NCALD: variants seen among roughly 807,000 people sequenced by gnomAD.
The protein encoded by NCALD is neurocalcin delta.
NCALD carries 10 observed loss-of-function variants against 18.6 expected under a neutral mutation model. The observed-to-expected ratio is 0.54, with a 90% CI of 0.33 to 0.91. The LOEUF (loss-of-function observed/expected upper bound fraction) is 0.91, where lower values mean the gene tolerates loss of function less well. Ranked by LOEUF, NCALD falls within the 40% of genes least tolerant of loss-of-function variation. NCALD has a pLI of 0.03. For synonymous variants in NCALD, 88 were observed against 87.4 expected, an observed-to-expected ratio of 1.01 and a Z score of -0.04; for missense variants, 184 against 247.6, an observed-to-expected ratio of 0.74 and a Z score of 1.72.
chr8:101,929,909 G>A (rs906529561), intron 2 of NCALD, among the ~76,000 whole-genome samples: 1 of 151,902 alleles, frequency 6.6e-6, no homozygotes, highest in South Asian at 2.1e-4. Context: ...CAACCACATC[G>A]CCCAGTGTGG....
intron 1 of NCALD, among the ~76,000 whole-genome samples, chr8:101,766,064 C>T (rs190557066): frequency 1.3e-5 from 2 of 152,274 alleles, no homozygotes; most frequent in Admixed American, 1.3e-4. Context: ...TTGCCCGCAA[C>T]CCACCAACAT....
chr8:101,829,971 T>TG (rs958478888), intron 4 of NCALD, among the ~76,000 whole-genome samples: 7 of 125,244 alleles, frequency 5.6e-5, no homozygotes, highest in Non-Finnish European at 1.0e-4. Context: ...CCCAGTCACA[T>TG]GGGTTTTTTT....
chr8:101,952,126 G>A (rs968827558), intron 2 of NCALD, among the ~76,000 whole-genome samples: 7 of 152,290 alleles, frequency 4.6e-5, no homozygotes, highest in Admixed American at 3.9e-4. Context: ...AGTGGGAACC[G>A]ACTGCTGAGT....
rs1257745272 is a variant in NCALD, at chr8:102,124,163, G to C, written c.-210+74C>G. ...CGGGTCCCCCCCAGCAGCCGCCCCC[G>C]GCACACCCGCCCCGGCTGCAACTCC... On this transcript the variant is annotated intron_variant, in intron 1 of 6. Transcript: ENST00000311028. The C allele has an allele frequency of 2.6e-5, 4 of 151,428 alleles. No homozygotes were observed. In the East Asian group the frequency reaches 5.9e-4, roughly 22 times the overall value. 9.4% of individuals were successfully genotyped at this position (151,428 alleles called of 1,614,324 possible). A position where few individuals can be genotyped will look rare whatever the true frequency, so the allele number is the denominator to read the frequency against.
At chr8:101,815,258 A>T (rs1813449503) in intron 4 of NCALD, among the ~76,000 whole-genome samples, 2 of 152,132 alleles carry the variant, frequency 1.3e-5, no homozygotes, top group Non-Finnish European at 2.9e-5. Flanking sequence ...GGTACTGGTG[A>T]AAGTGGACAA....
chr8:101,801,717 A>C (rs1416799051), intron 4 of NCALD, among the ~76,000 whole-genome samples: 1 of 114,386 alleles, frequency 8.7e-6, no homozygotes, highest in Admixed American at 1.3e-4. Context: ...CCCAGGCTGG[A>C]GTGCAGTGGC....
Position 101,764,556 on chromosome 8 carries a change from T to C in NCALD, c.-20+26306A>G, listed in dbSNP as rs565246448. ...GAGGAGGGAAGTCAGAGGTAATGAG[T>C]ACAGCCCCCTTTGAAAGACCTTTGC... On this transcript the variant is annotated intron_variant, in intron 1 of 3. Coordinates refer to ENST00000220931, the MANE Select transcript of NCALD (RefSeq NM_032041.3). Among the ~76,000 whole-genome samples, 3 of 152,196 alleles carry C rather than the reference T, an allele frequency of 2.0e-5. No individual in the cohort carries two copies. In the South Asian group the frequency reaches 6.2e-4, roughly 32 times the overall value.
chr8:101,741,794 A>T (rs963063530), intron 1 of NCALD, among the ~76,000 whole-genome samples: 6 of 149,546 alleles, frequency 4.0e-5, no homozygotes, highest in South Asian at 2.1e-4. Flanking sequence ...AAAATTAACC[A>T]AGCATGGTGG....
At chr8:101,952,013 T>G (rs1470432662) in intron 2 of NCALD, among the ~76,000 whole-genome samples, 2 of 152,202 alleles carry the variant, frequency 1.3e-5, no homozygotes, top group Admixed American at 1.3e-4. Context: ...TTTCTCTGAT[T>G]ACTTTTTTAT....
chr8:101,791,243 T>G (rs974520069), upstream of NCALD, among the ~76,000 whole-genome samples: 1 of 152,194 alleles, frequency 6.6e-6, no homozygotes, highest in African/African-American at 2.4e-5. Flanking sequence ...TCTTTAAGGC[T>G]TTGGTGTCTT....
At chr8:102,038,330 A>C (rs946430993) in intron 1 of NCALD, among the ~76,000 whole-genome samples, 1 of 152,186 alleles carries the variant, frequency 6.6e-6, no homozygotes, top group Admixed American at 6.5e-5. Flanking sequence ...AGCAAGACAG[A>C]GGCAATAATT....
chr8:101,859,570 T>C (rs1320246392), intron 4 of NCALD, among the ~76,000 whole-genome samples: 1 of 152,122 alleles, frequency 6.6e-6, no homozygotes, highest in Non-Finnish European at 1.5e-5. Context: ...TAAAGACCCC[T>C]TAGCAAATTA....
rs1028793269 is a variant in NCALD at position 102,042,457 on chromosome 8, C to T, written c.-209-22168G>A. ...TTGGAAGACTTTGTGGATGCAGATC[C>T]TAAAGCAGGTGATACACTGCGGCTT... On this transcript the variant is annotated intron_variant, in intron 1 of 6. Transcript: ENST00000311028. Among the ~76,000 whole-genome samples, 5 of 151,942 alleles carry T rather than the reference C, an allele frequency of 3.3e-5. No individual in the cohort carries two copies. In the East Asian group the frequency reaches 9.7e-4, roughly 29 times the overall value.
At chr8:102,064,595 A>G (rs1382676861) in intron 1 of NCALD, among the ~76,000 whole-genome samples, 1 of 152,232 alleles carries the variant, frequency 6.6e-6, no homozygotes, top group Non-Finnish European at 1.5e-5. Context: ...CAAGTGATGC[A>G]GGTCCAAAAC....
intron 2 of NCALD, among the ~76,000 whole-genome samples, chr8:101,960,803 T>C (rs970409293): frequency 6.6e-6 from 1 of 152,180 alleles, no homozygotes; most frequent in African/African-American, 2.4e-5. Context: ...TGTAGTCTGA[T>C]CACTCTGATT....
chr8:101,856,839 C>G (rs539648739), intron 4 of NCALD, among the ~76,000 whole-genome samples: 11 of 152,144 alleles, frequency 7.2e-5, no homozygotes, highest in Non-Finnish European at 1.3e-4. Flanking sequence ...TTATGATGTC[C>G]TGACTCCTTC....
intron 2 of NCALD, among the ~76,000 whole-genome samples, chr8:101,917,805 C>G (rs1388741314): frequency 6.6e-6 from 1 of 151,978 alleles, no homozygotes; most frequent in Non-Finnish European, 1.5e-5. Context: ...AGACCAATAT[C>G]AAGTTTTGAA....
intron 2 of NCALD, among the ~76,000 whole-genome samples, chr8:101,699,500 T>C (rs552942039): frequency 2.0e-5 from 3 of 152,278 alleles, no homozygotes; most frequent in Admixed American, 1.3e-4. Context: ...AGCAAAGATA[T>C]GTAATCAACC....
At chr8:101,942,202 A>T (rs555775242) in intron 2 of NCALD, among the ~76,000 whole-genome samples, 2 of 152,316 alleles carry the variant, frequency 1.3e-5, no homozygotes, top group African/African-American at 4.8e-5. Flanking sequence ...TGCACTTGGT[A>T]ACCCATATGA....
Sources: gnomAD v4.1 joint callset for allele counts (sites outside exome capture counted in the v4.1 genomes callset) on GRCh38, gnomAD v4.1.1 for gene constraint, MANE v1.5 for transcripts, NCBI Gene and HGNC (gene_info 2026-07-23, HGNC 2026-07-21) for gene names.